The following PLCB1 variants were observed in gnomAD, a reference collection of about 807,000 sequenced individuals.
PLCB1 encodes phospholipase C beta 1.
In PLCB1, 46 loss-of-function variants were observed where a neutral mutation model predicts 161.8. The observed-to-expected ratio is 0.28, with a 90% CI of 0.22 to 0.36. PLCB1 has a LOEUF of 0.36. PLCB1 is among the 10% of genes least tolerant of loss of function. PLCB1 has a pLI of 1.00. For synonymous variants in PLCB1, 517 were observed against 503.7 expected (o/e 1.03, Z -0.35); for missense variants, 1,016 against 1,472.5 (o/e 0.69, Z 5.07).
At chr20:8,394,089 A>G (rs1987690530) in intron 3 of PLCB1, among the ~76,000 whole-genome samples, 2 of 152,130 alleles carry the variant, frequency 1.3e-5, no homozygotes, top group South Asian at 2.1e-4. Context: ...AGCATTGCCC[A>G]CATATTACTC....
chr20:8,811,277 A>G (rs1226103289), intron 31 of PLCB1, among the ~76,000 whole-genome samples: 1 of 152,226 alleles, frequency 6.6e-6, no homozygotes, highest in East Asian at 1.9e-4. Flanking sequence ...GAGACAGCTT[A>G]TCTAACACTC....
chr20:8,540,459 A>G (rs1195067472), intron 3 of PLCB1, among the ~76,000 whole-genome samples: 1 of 152,152 alleles, frequency 6.6e-6, no homozygotes, highest in Admixed American at 6.5e-5. Flanking sequence ...TTTAGAAGAC[A>G]GAAAAGAAAA....
chr20:8,402,548 T>C (rs1978598823), intron 3 of PLCB1, among the ~76,000 whole-genome samples: 1 of 151,964 alleles, frequency 6.6e-6, no homozygotes, highest in Non-Finnish European at 1.5e-5. Flanking sequence ...AAAAAATAGT[T>C]TCCAGGCCGG....
chr20:8,185,783 G>A (rs1191198658), intron 2 of PLCB1, among the ~76,000 whole-genome samples: 1 of 152,090 alleles, frequency 6.6e-6, no homozygotes. Context: ...CTGAACAGCA[G>A]TGCTTTGTCT....
Position 8,527,994 on chromosome 20 carries a change from G to A in PLCB1, c.247-100300G>A, listed in dbSNP as rs77852675. 8.2e-4 allele frequency among the ~76,000 whole-genome samples: 125 copies of A among 151,972 alleles called. No homozygotes were observed. The East Asian group carries it at 0.019, about 24-fold the overall frequency. On this transcript the variant is annotated intron_variant, in intron 3 of 31. Transcript: ENST00000338037. Reference sequence around the variant, plus strand: ...GCAGCATTTCCTATTTTAGAAAAGCGACACTGAAAACAATATAAAATAAAT... The same window carrying A: ...GCAGCATTTCCTATTTTAGAAAAGCAACACTGAAAACAATATAAAATAAAT...
intron 31 of PLCB1, among the ~76,000 whole-genome samples, chr20:8,861,728 C>CAAA (rs35862889): frequency 4.7e-4 from 51 of 107,956 alleles, no homozygotes; most frequent in Middle Eastern, 5.5e-3. Flanking sequence ...GACTCTACCT[C>CAAA]AAAAAAAAAA....
chr20:8,376,722 A>C (rs1451166847), intron 3 of PLCB1, among the ~76,000 whole-genome samples: 1 of 152,056 alleles, frequency 6.6e-6, no homozygotes, highest in Non-Finnish European at 1.5e-5. Context: ...AGGTCAGGAG[A>C]TCGAGACCAT....
intron 23 of PLCB1, among the ~76,000 whole-genome samples, chr20:8,743,041 T>C (rs543372430): frequency 6.6e-6 from 1 of 152,302 alleles, no homozygotes; most frequent in East Asian, 1.9e-4. Context: ...CCCTTTATTT[T>C]ATTTTCTTGT....
At chr20:8,315,047 A>G (rs1984577210) in intron 2 of PLCB1, among the ~76,000 whole-genome samples, 1 of 152,188 alleles carries the variant, frequency 6.6e-6, no homozygotes, top group Admixed American at 6.5e-5. Context: ...CAGGGAAGGA[A>G]GGATGGATAT....
At chr20:8,518,341 G>A (rs1322473815) in intron 3 of PLCB1, among the ~76,000 whole-genome samples, 1 of 152,108 alleles carries the variant, frequency 6.6e-6, no homozygotes, top group African/African-American at 2.4e-5. Flanking sequence ...CCCAGCTTCA[G>A]CAATACTATA....
intron 2 of PLCB1, among the ~76,000 whole-genome samples, chr20:8,277,259 C>A (rs924303880): frequency 6.6e-6 from 1 of 151,696 alleles, no homozygotes; most frequent in East Asian, 1.9e-4. Context: ...GTGAAATCAT[C>A]GTATATGAGG....
intron 31 of PLCB1, among the ~76,000 whole-genome samples, chr20:8,841,698 CAATG>C (rs1475333732): frequency 6.6e-6 from 1 of 152,090 alleles, no homozygotes; most frequent in Non-Finnish European, 1.5e-5. Flanking sequence ...TCCAGGATGC[CAATG>C]AAGGAAATAA....
intron 16 of PLCB1, among the ~76,000 whole-genome samples, chr20:8,725,102 A>G (rs909548239): frequency 2.0e-5 from 3 of 152,140 alleles, no homozygotes; most frequent in Admixed American, 6.6e-5. Flanking sequence ...CATCTGTTAC[A>G]TAAGTGATAA....
At chr20:8,526,179 C>T (rs1434603277) in intron 3 of PLCB1, among the ~76,000 whole-genome samples, 2 of 151,982 alleles carry the variant, frequency 1.3e-5, no homozygotes, top group Non-Finnish European at 2.9e-5. Flanking sequence ...CCTTGATACT[C>T]TAATTTTTTA....
At chr20:8,720,490 G>A (rs1362492991) in intron 14 of PLCB1, among the ~76,000 whole-genome samples, 3 of 152,174 alleles carry the variant, frequency 2.0e-5, no homozygotes, top group Non-Finnish European at 2.9e-5. Flanking sequence ...CTTGAAAAAC[G>A]TGACAGGTAT....
At chr20:8,776,109 C>G (rs79794098) in intron 27 of PLCB1, among the ~76,000 whole-genome samples, 2,043 of 152,170 alleles carry the variant, frequency 0.013, 109 homozygotes, top group East Asian at 0.11. Context: ...CCCAGTAGTC[C>G]AGAACATAAT....
At chr20:8,182,823 C>T (rs150744404) in intron 2 of PLCB1, among the ~76,000 whole-genome samples, 3,722 of 152,070 alleles carry the variant, frequency 0.024, 86 homozygotes, top group Non-Finnish European at 0.036. Context: ...TGAAGCAATC[C>T]GCCCACCTCA....
chr20:8,192,188 A>G (rs1448173955), intron 2 of PLCB1, among the ~76,000 whole-genome samples: 2 of 152,046 alleles, frequency 1.3e-5, no homozygotes, highest in African/African-American at 4.8e-5. Flanking sequence ...GATAATTAGC[A>G]AGGTTAAAAG....
chr20:8,360,911 T>C (rs1461363753), intron 2 of PLCB1, among the ~76,000 whole-genome samples: 3 of 152,286 alleles, frequency 2.0e-5, no homozygotes, highest in Non-Finnish European at 4.4e-5. Context: ...TTGGAATAAA[T>C]AACTGGAGAA....
Sources: gnomAD v4.1 joint callset for allele counts (sites outside exome capture counted in the v4.1 genomes callset) on GRCh38, gnomAD v4.1.1 for gene constraint, MANE v1.5 for transcripts, NCBI Gene and HGNC (gene_info 2026-07-23, HGNC 2026-07-21) for gene names.